CDH16: variants seen among roughly 807,000 people sequenced by gnomAD.
CDH16 encodes the protein cadherin 16.
In CDH16, 79 loss-of-function variants were observed where a neutral mutation model predicts 87.6. The observed-to-expected ratio is 0.90, with a 90% confidence interval of 0.75 to 1.09. The LOEUF (loss-of-function observed/expected upper bound fraction) is 1.09, where lower values mean the gene tolerates loss of function less well. Ranked by LOEUF, CDH16 falls within the 50% of genes least tolerant of loss-of-function variation. The pLI, the probability that CDH16 is intolerant of heterozygous loss-of-function variation, is 0.00. For synonymous variants in CDH16, 457 were observed against 439.5 expected (o/e 1.04, Z -0.50); for missense variants, 1,124 against 1,071.7 (o/e 1.05, Z -0.68).
At chr16:66,915,436 A>T in intron 5 of CDH16, 58 bp from the exon 6 acceptor site, 2 of 1,539,860 alleles carry the variant, frequency 1.3e-6, no homozygotes, top group Non-Finnish European at 1.8e-6. Context: ...AGAGTCTCCC[A>T]TGCCTCTCCT....
rs1962338466 is a variant in CDH16 at position 66,910,041 on chromosome 16, G to A, written c.2220C>T (p.His740=). Residue 740 remains histidine (H), a synonymous_variant, in exon 16 of 18, where the codon CAC becomes CAT. Coordinates refer to ENST00000299752, the MANE Select transcript of CDH16 (RefSeq NM_004062.4). The part of the protein sequence containing the change: ...LALHWVEPRE[H]IIPVVVSHNA... Reference sequence around the variant, plus strand: ...TGTGGCTGACCACCACGGGGATTATGTGTTCACGTGGCTCCACCCAATGCA... The same window carrying A: ...TGTGGCTGACCACCACGGGGATTATATGTTCACGTGGCTCCACCCAATGCA... 1.9e-6 allele frequency: 3 copies of A among 1,613,176 alleles called. No individual in the cohort carries two copies. The highest frequency in any genetic ancestry group is 1.7e-6 in the Non-Finnish European group (2 of 1,179,430).
chr16:66,910,334 C>T lies in CDH16; in HGVS notation c.2093G>A (p.Gly698Glu). 2 of 1,613,810 alleles carry T rather than the reference C, an allele frequency of 1.2e-6. No individual in the cohort carries two copies. Among genetic ancestry groups the T allele is most frequent in the Non-Finnish European group, 1.7e-6 (2 of 1,179,882 alleles). The change falls in exon 15 of 18, where the codon GGG becomes GAG. Residue 698 changes from glycine to glutamate, a missense_variant. Transcript: ENST00000299752. ...AAGGGTGAAGCTGTAGGGACCGTGC[C>T]CACTGGCCAGATCGGGGTCCTTGCT... is the stretch of plus-strand genomic sequence containing the variant. ...GPSKDPDLAS[G>E]HGPYSFTLGP...
At position 66,915,517 on chromosome 16, in the gene CDH16, T is replaced by C. The variant is rs1268961471; in HGVS notation, c.425-139A>G. 3 of 932,208 alleles carry C rather than the reference T, an allele frequency of 3.2e-6. No individual in the cohort carries two copies. In the African/African-American group the frequency reaches 5.0e-5, roughly 16 times the overall value. 57.7% of individuals were successfully genotyped at this position (932,208 alleles called of 1,614,324 possible). ...TCCGGAGATGAGCCACGGCTTTTCG[T>C]CCTACTTCCCAGATGAGCAAACTGA... On this transcript the variant is annotated intron_variant, in intron 5 of 17. Transcript: ENST00000299752.
At chr16:66,912,990 TCGTG>T in intron 9 of CDH16, 99 bp from the exon 10 acceptor site, 1 of 1,295,462 alleles carries the variant, frequency 7.7e-7, no homozygotes, top group African/African-American at 1.5e-5. Flanking sequence ...GAATTTGAGC[TCGTG>T]TGTGTGTGTG....
rs1015565784 is a variant in CDH16 at position 66,914,229 on chromosome 16, T to C, written c.767A>G (p.His256Arg). Reference protein sequence around the residue: ...LAENLKVLYPHHMAQVHWSGG... With the variant: ...LAENLKVLYPRHMAQVHWSGG... The stretch of plus-strand genomic sequence containing the variant: ...CCACTTACTCACCTGGGCCATGTGG[T>C]GCGGGTATAGGACTTTGAGATTCTC... Residue 256 changes from histidine (H) to arginine (R), a missense_variant, in exon 7 of 18, where the codon CAC (histidine) becomes CGC (arginine). By Grantham distance (29) the His-to-Arg change is conservative (BLOSUM62 0). Coordinates refer to ENST00000299752, the MANE Select transcript of CDH16 (RefSeq NM_004062.4). 6.2e-7 allele frequency: 1 copy of C among 1,613,432 alleles called. No homozygotes were observed. The highest frequency in any genetic ancestry group is 8.5e-7 in the Non-Finnish European group (1 of 1,179,400).
chr16:66,915,421 T>A, intron 5 of CDH16, 43 bp from the exon 6 acceptor site: 1 of 1,591,854 alleles, frequency 6.3e-7, no homozygotes, highest in African/African-American at 1.3e-5. Flanking sequence ...ATAGAGAGGG[T>A]GGGGAGAGTC....
Position 66,912,822 on chromosome 16 carries a change from T to C in CDH16, c.1124A>G (p.Tyr375Cys). Reference sequence around the variant, plus strand: ...CTCAGGCTCAGGGCTCAGGAGCTGATACACAACGTGGGAATTGGGGGAGCC... The same window carrying C: ...CTCAGGCTCAGGGCTCAGGAGCTGACACACAACGTGGGAATTGGGGGAGCC... ...APGSPNSHVV[Y>C]QLLSPEPEDG... Residue 375 changes from tyrosine (Y) to cysteine (C), a missense_variant, in exon 10 of 18, where the codon TAT becomes TGT. By Grantham distance (194) the Tyr-to-Cys change is radical. Transcript: ENST00000299752. 1 of 1,613,680 alleles carries C rather than the reference T, an allele frequency of 6.2e-7. No individual in the cohort carries two copies. Among genetic ancestry groups the C allele is most frequent in the African/African-American group, 1.3e-5 (1 of 75,030 alleles).
At chr16:66,918,676 C>G (rs949196075) in intron 1 of CDH16, 128 bp downstream of exon 1, 5 of 152,332 alleles carry the variant, frequency 3.3e-5, no homozygotes, top group African/African-American at 1.2e-4. Flanking sequence ...AGCGACAAAT[C>G]GACAACCCCT....
chr16:66,913,471 T>G lies in CDH16; in HGVS notation c.903+20A>C, dbSNP rs1962527413. The stretch of plus-strand genomic sequence containing the variant: ...ACCAAGCACCCCCAGCCTGCATCCC[T>G]GGCTCCCCCTTCATATCACCTCAGC... On this transcript the variant is annotated intron_variant, in intron 8 of 17. Coordinates refer to ENST00000299752, the MANE Select transcript of CDH16 (RefSeq NM_004062.4). The G allele has an allele frequency of 1.2e-6, 2 of 1,613,946 alleles. No homozygotes were observed. Among genetic ancestry groups the G allele is most frequent in the African/African-American group, 1.3e-5 (1 of 74,918 alleles).
At position 66,911,832 on chromosome 16, in the gene CDH16, GC is replaced by G. The variant is rs1472550660; in HGVS notation, c.1790+66del. ...ACAGATAATGTGAGTCCCCTCTGAG[GC>G]CCTGGGGTCATCCCCAGGGAGCAGG... On this transcript the variant is annotated intron_variant, in intron 13 of 17. Coordinates refer to ENST00000299752, the MANE Select transcript of CDH16 (RefSeq NM_004062.4). 13 of 1,492,160 alleles carry G rather than the reference GC, an allele frequency of 8.7e-6. No homozygotes were observed. In the East Asian group the frequency reaches 2.7e-4, roughly 31 times the overall value. 92.4% of individuals were successfully genotyped at this position (1,492,160 alleles called of 1,614,324 possible).
Position 66,917,655 on chromosome 16 carries a change from A to G in CDH16, c.116T>C (p.Leu39Ser), listed in dbSNP as rs1180808061. The G allele has an allele frequency of 6.2e-7, 1 of 1,612,978 alleles. No individual in the cohort carries two copies. Among genetic ancestry groups the G allele is most frequent in the Non-Finnish European group, 8.5e-7 (1 of 1,179,382 alleles). ...VPENYGGNFP[L>S]YLTKLPLPRE... ...TCTCCGGCTCACCTTGGTCAGGTAT[A>G]AAGGGAAATTTCCACCATAGTTTTC... Residue 39 changes from leucine to serine, a missense_variant, in exon 3 of 18, where the codon TTA (leucine) becomes TCA (serine). Leu to Ser is a moderately radical substitution (Grantham distance 145). Transcript: ENST00000299752.
chr16:66,915,756 C>T (rs1376699775), intron 5 of CDH16, among the ~76,000 whole-genome samples: 3 of 152,158 alleles, frequency 2.0e-5, no homozygotes, highest in African/African-American at 7.2e-5. Flanking sequence ...ATTAGCCGGG[C>T]ATGGTGGCGG....
chr16:66,917,515 C>T (rs1260834493), intron 3 of CDH16, 127 bp downstream of exon 3: 18 of 727,308 alleles, frequency 2.5e-5, no homozygotes, highest in South Asian at 6.1e-5. Context: ...ACCTGTGTAA[C>T]GTGTACATAC....
At position 66,911,359 on chromosome 16, in the gene CDH16, T is replaced by G. The variant is rs770603846; in HGVS notation, c.1791-44A>C. ...GGTGAGGAGGTACTGGGACTACATA[T>G]AGGGTTTTGCTCAGAATCCCCCAGG... On this transcript the variant is annotated intron_variant, in intron 13 of 17. Coordinates refer to ENST00000299752, the MANE Select transcript of CDH16 (RefSeq NM_004062.4). 2.5e-6 allele frequency: 4 copies of G among 1,598,538 alleles called. No homozygotes were observed. In the Admixed American group the frequency reaches 6.8e-5, roughly 27 times the overall value.
rs759341951 is a variant in CDH16 at position 66,915,204 on chromosome 16, C to A, written c.583+16G>T. 44 of 1,593,616 alleles carry A rather than the reference C, an allele frequency of 2.8e-5. No individual in the cohort carries two copies. Among genetic ancestry groups the A allele is most frequent in the East Asian group, 2.2e-5 (1 of 44,466 alleles). ...TCTCTGACCCTCCCTCCCCAGCACA[C>A]CCCGCTCGGGCTTACCCTTGGGGCT... On this transcript the variant is annotated intron_variant, in intron 6 of 17. Transcript: ENST00000299752.
chr16:66,911,111 C>A (rs1962391745), intron 14 of CDH16, 71 bp downstream of exon 14: 1 of 1,489,936 alleles, frequency 6.7e-7, no homozygotes, highest in African/African-American at 1.4e-5. Flanking sequence ...TGGGAGGAAG[C>A]TCAGTCCTGC....
In CDH16 at chr16:66,909,902, CT is replaced by C. The variant is rs1311545576; in HGVS notation, c.2275+83del. On this transcript the variant is annotated intron_variant, in intron 16 of 17. Coordinates refer to ENST00000299752, the MANE Select transcript of CDH16 (RefSeq NM_004062.4). The surrounding 1 kb of genome is among the most constrained non-coding windows in gnomAD (Gnocchi z 4.1). ...GGCATGTGCTGTCCACATGAGCAGC[CT>C]GTATGCATGTGTACCAGCTCCCTCC... 3 of 965,252 alleles carry C rather than the reference CT, an allele frequency of 3.1e-6. No individual in the cohort carries two copies. The African/African-American group carries it at 4.9e-5, about 16-fold the overall frequency. 59.8% of individuals were successfully genotyped at this position (965,252 alleles called of 1,614,324 possible). A position where few individuals can be genotyped will look rare whatever the true frequency, so the allele number is the denominator to read the frequency against.
At chr16:66,908,807 T>G (rs1018739098) in intron 17 of CDH16, among the ~76,000 whole-genome samples, 1 of 152,050 alleles carries the variant, frequency 6.6e-6, no homozygotes, top group African/African-American at 2.4e-5. Flanking sequence ...AGCAGTGTGC[T>G]AGAACCAGCA....
intron 14 of CDH16, 133 bp from the exon 15 acceptor site, chr16:66,910,635 T>G (rs1007230782): frequency 1.0e-5 from 10 of 968,646 alleles, no homozygotes; most frequent in Non-Finnish European, 1.4e-5. Context: ...CATGCTTCTC[T>G]CCACCTGTCA....
Sources: allele counts gnomAD v4.1 joint callset (sites outside exome capture counted in the v4.1 genomes callset), GRCh38; gene constraint gnomAD v4.1.1; non-coding constraint Gnocchi (gnomAD v3.1); transcripts MANE v1.5; gene names NCBI Gene and HGNC (gene_info 2026-07-23, HGNC 2026-07-21).